SKAP2: variants seen among roughly 807,000 people sequenced by gnomAD.
The protein encoded by SKAP2 is src kinase-associated phosphoprotein 2.
SKAP2 carries 28 observed loss-of-function variants against 54.9 expected under a neutral mutation model. The ratio of observed to expected loss-of-function variants is 0.51; its 90% CI spans 0.38 to 0.70. The LOEUF (loss-of-function observed/expected upper bound fraction) is 0.70, where lower values mean the gene tolerates loss of function less well. Ranked by LOEUF, SKAP2 falls within the 30% of genes least tolerant of loss-of-function variation. The pLI is 0.00. For synonymous variants in SKAP2, 137 were observed against 134.3 expected, an observed-to-expected ratio of 1.02 and a Z score of -0.14; for missense variants, 356 against 424.1, an observed-to-expected ratio of 0.84 and a Z score of 1.41.
intron 4 of SKAP2, among the ~76,000 whole-genome samples, chr7:26,743,739 A>G (rs970553911): frequency 5.3e-5 from 8 of 152,202 alleles, no homozygotes; most frequent in African/African-American, 1.7e-4. Context: ...CTACAAGGAC[A>G]ACTAAGCAAG....
At chr7:26,796,945 G>C (rs1783794018) in intron 4 of SKAP2, among the ~76,000 whole-genome samples, 1 of 152,172 alleles carries the variant, frequency 6.6e-6, no homozygotes, top group African/African-American at 2.4e-5. Flanking sequence ...TTTACCATGA[G>C]CAGAGCACAA....
At chr7:26,690,565 CCTTTCCAACTTTCCACATAGCAAA>C (rs1786759873) in intron 9 of SKAP2, among the ~76,000 whole-genome samples, 1 of 152,172 alleles carries the variant, frequency 6.6e-6, no homozygotes, top group Admixed American at 6.5e-5. Flanking sequence ...CAAATAGCAA[CCTTTCCAACTTTCCACATAGCAAA>C]CTTTCCAACT....
chr7:26,689,188 C>T (rs1562576229), intron 10 of SKAP2, among the ~76,000 whole-genome samples: 1 of 152,142 alleles, frequency 6.6e-6, no homozygotes, highest in Non-Finnish European at 1.5e-5. Context: ...GTCCACCCGG[C>T]CTTGACAGCT....
At chr7:26,796,711 C>T (rs1783788608) in intron 4 of SKAP2, among the ~76,000 whole-genome samples, 1 of 152,176 alleles carries the variant, frequency 6.6e-6, no homozygotes. Flanking sequence ...TTCTTAATAA[C>T]ATTTCTCTAG....
chr7:26,763,142 C>T (rs943956300), intron 4 of SKAP2, among the ~76,000 whole-genome samples: 20 of 151,930 alleles, frequency 1.3e-4, no homozygotes, highest in Non-Finnish European at 1.3e-4. Context: ...TTAATAATAC[C>T]AAATATTTAC....
intron 11 of SKAP2, among the ~76,000 whole-genome samples, chr7:26,682,491 G>A (rs1030405419): frequency 5.3e-5 from 8 of 152,144 alleles, no homozygotes; most frequent in Admixed American, 4.6e-4. Flanking sequence ...GCTGAGTAAC[G>A]ATGAACACTG....
intron 4 of SKAP2, among the ~76,000 whole-genome samples, chr7:26,800,622 G>C (rs888782627): frequency 2.6e-5 from 4 of 152,030 alleles, no homozygotes; most frequent in Non-Finnish European, 5.9e-5. Context: ...CTAAGAAAAA[G>C]AGAAGATCCA....
At chr7:26,700,377 G>A (rs1045807413) in intron 9 of SKAP2, among the ~76,000 whole-genome samples, 44 of 152,070 alleles carry the variant, frequency 2.9e-4, no homozygotes, top group African/African-American at 1.0e-3. Context: ...AGTTTCTGGA[G>A]TCCTCTTTAT....
At chr7:26,723,702 AT>A (rs34378363) in intron 9 of SKAP2, among the ~76,000 whole-genome samples, 17 of 150,350 alleles carry the variant, frequency 1.1e-4, no homozygotes, top group African/African-American at 2.2e-4. Flanking sequence ...TTCCTGATCA[AT>A]TTTTTTTTTC....
intron 4 of SKAP2, among the ~76,000 whole-genome samples, chr7:26,788,819 C>T (rs529235415): frequency 3.0e-4 from 45 of 151,172 alleles, no homozygotes; most frequent in African/African-American, 1.1e-3. Flanking sequence ...CAGATACACA[C>T]GTGCGCACAC....
At position 26,668,842 on chromosome 7, in the gene SKAP2, G is replaced by A. The variant is rs551591982; in HGVS notation, c.*824C>T. The stretch of plus-strand genomic sequence containing the variant: ...TACCACACTTGGCTAATTTTTAGTA[G>A]AGACAGGGTTTCACCATGTTGGCCT... On this transcript the variant is annotated 3_prime_UTR_variant, in exon 13 of 13. Coordinates refer to ENST00000345317, the MANE Select transcript of SKAP2 (RefSeq NM_003930.5). The A allele has an allele frequency of 1.3e-5, 2 of 152,058 alleles. No homozygotes were observed. The highest frequency in any genetic ancestry group is 2.4e-5 in the African/African-American group (1 of 41,494). 9.4% of individuals were successfully genotyped at this position (152,058 alleles called of 1,614,324 possible).
intron 4 of SKAP2, among the ~76,000 whole-genome samples, chr7:26,797,357 C>A (rs1401335708): frequency 4.6e-5 from 7 of 152,160 alleles, no homozygotes; most frequent in African/African-American, 1.7e-4. Flanking sequence ...GGGCTCAGAA[C>A]AGAAAGAGAG....
chr7:26,715,317 T>C (rs1444205334), intron 9 of SKAP2, among the ~76,000 whole-genome samples: 2 of 148,254 alleles, frequency 1.3e-5, no homozygotes, highest in Non-Finnish European at 2.9e-5. Context: ...TTCTAGTGAT[T>C]CTATTTGGTT....
At chr7:26,791,341 T>C (rs1382734153) in intron 4 of SKAP2, among the ~76,000 whole-genome samples, 2 of 152,224 alleles carry the variant, frequency 1.3e-5, no homozygotes, top group South Asian at 2.1e-4. Context: ...TGCTGGCTAA[T>C]TTTTTCTATT....
At chr7:26,758,715 A>C (rs1782858919) in intron 4 of SKAP2, among the ~76,000 whole-genome samples, 1 of 152,252 alleles carries the variant, frequency 6.6e-6, no homozygotes. Flanking sequence ...AATTAAAGGA[A>C]CATATTTTCT....
At chr7:26,684,630 G>C (rs950503533) in intron 11 of SKAP2, 106 bp downstream of exon 11, 23 of 657,202 alleles carry the variant, frequency 3.5e-5, no homozygotes, top group Non-Finnish European at 5.7e-5. Context: ...CAAGGACCTA[G>C]AAGAATTCCA....
At chr7:26,739,285 T>C (rs1782375891) in intron 5 of SKAP2, among the ~76,000 whole-genome samples, 1 of 152,182 alleles carries the variant, frequency 6.6e-6, no homozygotes, top group Non-Finnish European at 1.5e-5. Flanking sequence ...CAAAATGAAA[T>C]ATAAATAGAA....
At chr7:26,753,634 T>C (rs1364071990) in intron 4 of SKAP2, among the ~76,000 whole-genome samples, 1 of 152,308 alleles carries the variant, frequency 6.6e-6, no homozygotes, top group Admixed American at 6.5e-5. Context: ...CACAGTAGTC[T>C]TGAGAGAGAA....
intron 4 of SKAP2, among the ~76,000 whole-genome samples, chr7:26,741,162 A>T (rs1782437066): frequency 6.6e-6 from 1 of 152,136 alleles, no homozygotes; most frequent in African/African-American, 2.4e-5. Context: ...AATGAATAAG[A>T]TCTAGTATTT....
Sources: gnomAD v4.1 joint callset for allele counts (sites outside exome capture counted in the v4.1 genomes callset) on GRCh38, gnomAD v4.1.1 for gene constraint, MANE v1.5 for transcripts, NCBI Gene and HGNC (gene_info 2026-07-23, HGNC 2026-07-21) for gene names.